RMI1: variants seen among roughly 807,000 people sequenced by gnomAD.
RMI1 encodes RecQ mediated genome instability 1.
Under a neutral mutation model 46.7 loss-of-function variants are expected in RMI1, and 36 were observed. That is an observed-to-expected ratio of 0.77 (90% CI 0.59 to 1.02). The LOEUF (loss-of-function observed/expected upper bound fraction) is 1.02. RMI1 is among the 50% of genes least tolerant of loss of function. The probability of loss-of-function intolerance (pLI) is 0.00; values close to 1 mark genes in which losing one functional copy is unlikely to be tolerated. For missense variants in RMI1, 676 were observed against 713.7 expected (o/e 0.95, Z 0.60); for synonymous variants, 250 against 252.9 (o/e 0.99, Z 0.11).
intron 1 of RMI1, among the ~76,000 whole-genome samples, chr9:83,981,827 C>T (rs1005342134): frequency 6.6e-6 from 1 of 152,162 alleles, no homozygotes; most frequent in African/African-American, 2.4e-5. Context: ...TTTTAAATGG[C>T]CATGATTGCA....
intron 1 of RMI1, among the ~76,000 whole-genome samples, chr9:83,996,342 C>T (rs978534639): frequency 1.3e-5 from 2 of 152,198 alleles, no homozygotes; most frequent in Admixed American, 6.5e-5. Context: ...GGCCCAGTTC[C>T]AGCAAGGAGT....
chr9:83,985,758 C>T (rs1454672889), intron 1 of RMI1, among the ~76,000 whole-genome samples: 3 of 152,176 alleles, frequency 2.0e-5, no homozygotes, highest in Non-Finnish European at 4.4e-5. Context: ...CCTGTAATCC[C>T]AGCACTTTGG....
chr9:84,002,436 A>G lies in RMI1; in HGVS notation c.1450A>G (p.Met484Val). 6.2e-7 allele frequency: 1 copy of G among 1,613,860 alleles called. No homozygotes were observed. The highest frequency in any genetic ancestry group is 2.2e-5 in the East Asian group (1 of 44,828). Residue 484 changes from methionine (M) to valine (V), a missense_variant, in exon 3 of 3, where the codon ATG becomes GTG. By Grantham distance (21) the Met-to-Val change is conservative. Coordinates refer to ENST00000445877, the MANE Select transcript of RMI1 (RefSeq NM_001358291.2). ...GAATAGCATTAATCTTTCTATTGCC[A>G]TGGATTTGTATTCTCCACCCTTTGT... ...SENSINLSIAMDLYSPPFVYL... is the reference protein window; with the variant it reads ...SENSINLSIAVDLYSPPFVYL...
chr9:83,996,347 A>G (rs1486871805), intron 1 of RMI1, among the ~76,000 whole-genome samples: 1 of 152,210 alleles, frequency 6.6e-6, no homozygotes, highest in East Asian at 1.9e-4. Flanking sequence ...AGTTCCAGCA[A>G]GGAGTCTGTT....
intron 1 of RMI1, among the ~76,000 whole-genome samples, chr9:83,995,968 TAAAA>T (rs751256481): frequency 1.1e-4 from 16 of 150,422 alleles, no homozygotes; most frequent in South Asian, 6.3e-4. Flanking sequence ...CTCAAAGAGA[TAAAA>T]AAAAAATTAA....
rs1341705861 is a variant in RMI1, at chr9:84,002,612, T to C, written c.1626T>C (p.Asp542=). 2 of 1,613,964 alleles carry C rather than the reference T, an allele frequency of 1.2e-6. No individual in the cohort carries two copies. The highest frequency in any genetic ancestry group is 3.3e-5 in the Admixed American group (2 of 60,020). The change falls in exon 3 of 3, where the codon GAT becomes GAC. Residue 542 remains aspartate, a synonymous_variant. Coordinates refer to ENST00000445877, the MANE Select transcript of RMI1 (RefSeq NM_001358291.2). ...AKVSDGTAYL[D]VDFVDEILTS... ...TGTCTGATGGTACTGCATATCTAGA[T>C]GTAGACTTTGTGGATGAAATACTTA... is the stretch of plus-strand genomic sequence containing the variant.
At chr9:83,988,003 T>G (rs1020962847) in intron 1 of RMI1, among the ~76,000 whole-genome samples, 1 of 151,744 alleles carries the variant, frequency 6.6e-6, no homozygotes, top group South Asian at 2.1e-4. Flanking sequence ...CTCCTACCTC[T>G]GCCTCCTGGG....
chr9:83,987,228 A>G (rs561467487), intron 1 of RMI1, among the ~76,000 whole-genome samples: 1 of 152,202 alleles, frequency 6.6e-6, no homozygotes, highest in South Asian at 2.1e-4. Context: ...ACGCCCAGCT[A>G]ATTTTTGTAT....
chr9:83,985,079 A>T (rs1031646204), intron 1 of RMI1, among the ~76,000 whole-genome samples: 2 of 152,148 alleles, frequency 1.3e-5, no homozygotes, highest in African/African-American at 4.8e-5. Context: ...GAATTATCTG[A>T]AGGACTAGAT....
intron 1 of RMI1, among the ~76,000 whole-genome samples, chr9:83,987,642 C>A (rs943773729): frequency 6.6e-6 from 1 of 152,102 alleles, no homozygotes; most frequent in African/African-American, 2.4e-5. Flanking sequence ...TTTCTTTTGC[C>A]CCTTGTAGTC....
At chr9:83,993,520 G>A (rs528461523) in intron 1 of RMI1, among the ~76,000 whole-genome samples, 5 of 152,308 alleles carry the variant, frequency 3.3e-5, no homozygotes, top group African/African-American at 9.6e-5. Flanking sequence ...GTGGGATAAT[G>A]TGGTAGTTCT....
rs766434951 is a variant in RMI1 at position 84,002,158 on chromosome 9, G to A, written c.1172G>A (p.Cys391Tyr). ...ACTAATGAAGACAAATCATTTGGTT[G>A]TCCATCTGTTAGAGACCAAAACAGG... is the stretch of plus-strand genomic sequence containing the variant. ...QMTNEDKSFGCPSVRDQNRSI... is the reference protein window; with the variant it reads ...QMTNEDKSFGYPSVRDQNRSI... The change falls in exon 3 of 3, where the codon TGT becomes TAT. Residue 391 changes from cysteine to tyrosine, a missense_variant. Transcript: ENST00000445877. 1.1e-5 allele frequency: 18 copies of A among 1,613,564 alleles called. No individual in the cohort carries two copies. The highest frequency in any genetic ancestry group is 1.4e-5 in the Non-Finnish European group (17 of 1,179,818).
At chr9:83,995,628 A>G (rs1357457374) in intron 1 of RMI1, among the ~76,000 whole-genome samples, 2 of 151,628 alleles carry the variant, frequency 1.3e-5, no homozygotes, top group Non-Finnish European at 2.9e-5. Flanking sequence ...GGGTTTCACC[A>G]TATTGGTCAG....
chr9:83,996,118 T>C (rs888986677), intron 1 of RMI1, among the ~76,000 whole-genome samples: 1 of 152,242 alleles, frequency 6.6e-6, no homozygotes, highest in African/African-American at 2.4e-5. Context: ...GTGTGTGTTT[T>C]ACCCTTTTTG....
intron 1 of RMI1, among the ~76,000 whole-genome samples, chr9:83,981,530 C>T (rs952411597): frequency 1.3e-5 from 2 of 152,184 alleles, no homozygotes; most frequent in African/African-American, 4.8e-5. Context: ...GCTTTCATGA[C>T]TTCCTTTGTT....
intron 1 of RMI1, among the ~76,000 whole-genome samples, chr9:83,983,454 C>T (rs1957448047): frequency 1.3e-5 from 2 of 152,106 alleles, no homozygotes. Context: ...AACTCATCCT[C>T]AATGAATTAA....
intron 1 of RMI1, among the ~76,000 whole-genome samples, chr9:83,997,797 T>C (rs1023919459): frequency 3.3e-5 from 5 of 150,208 alleles, no homozygotes; most frequent in African/African-American, 1.3e-4. Flanking sequence ...AGATAGGGAG[T>C]ATTTTTTTTT....
At chr9:83,997,554 G>A (rs1957676279) in intron 1 of RMI1, among the ~76,000 whole-genome samples, 3 of 152,070 alleles carry the variant, frequency 2.0e-5, no homozygotes, top group Admixed American at 2.0e-4. Flanking sequence ...CGCACCCACT[G>A]GGAGGAGGGT....
chr9:83,992,045 G>A (rs1318589145), intron 1 of RMI1, among the ~76,000 whole-genome samples: 3 of 152,156 alleles, frequency 2.0e-5, no homozygotes, highest in African/African-American at 4.8e-5. Context: ...GAATGGAATT[G>A]CATTGAATCT....
Sources: gnomAD v4.1 joint callset for allele counts (sites outside exome capture counted in the v4.1 genomes callset) on GRCh38, gnomAD v4.1.1 for gene constraint, MANE v1.5 for transcripts, NCBI Gene and HGNC (gene_info 2026-07-23, HGNC 2026-07-21) for gene names.